The following PREP variants were observed in gnomAD, a reference collection of about 807,000 sequenced individuals.
The protein encoded by PREP is prolyl endopeptidase, also known as dJ355L5.1 (prolyl endopeptidase).
Under a neutral mutation model 87.6 loss-of-function variants are expected in PREP, and 29 were observed. That is an observed-to-expected ratio of 0.33 (90% confidence interval 0.25 to 0.45). PREP has a LOEUF of 0.45. Among genes scored for constraint, PREP ranks in the 20% least tolerant of loss-of-function variants. The pLI is 1.00. For missense variants in PREP, 695 were observed against 886.5 expected, an observed-to-expected ratio of 0.78 and a Z score of 2.74; for synonymous variants, 337 against 328.6, an observed-to-expected ratio of 1.03 and a Z score of -0.28.
At chr6:105,398,005 G>T in intron 1 of PREP, 78 bp from the exon 2 acceptor site, 1 of 1,152,322 alleles carries the variant, frequency 8.7e-7, no homozygotes, top group Non-Finnish European at 1.3e-6. Context: ...ATGTAATGGA[G>T]AAATAGGAAA....
chr6:105,306,683 C>T (rs1271706425), intron 10 of PREP, among the ~76,000 whole-genome samples: 6 of 152,156 alleles, frequency 3.9e-5, no homozygotes. Flanking sequence ...GACTGTGGTC[C>T]TCTTCTCCCA....
At chr6:105,321,404 A>T (rs1190064) in intron 10 of PREP, among the ~76,000 whole-genome samples, 145,205 of 152,300 alleles carry the variant, frequency 0.95, 69,297 homozygotes, top group East Asian at 1. Flanking sequence ...ATTCTGGGAG[A>T]GTTCCAGTGC....
At chr6:105,303,429 TCAAC>T (rs1770587071) in intron 10 of PREP, among the ~76,000 whole-genome samples, 1 of 152,068 alleles carries the variant, frequency 6.6e-6, no homozygotes, top group Non-Finnish European at 1.5e-5. Context: ...CTTCCCAACT[TCAAC>T]CAGCCTCTCT....
At chr6:105,384,239 C>T (rs1772925351) in intron 2 of PREP, among the ~76,000 whole-genome samples, 1 of 152,088 alleles carries the variant, frequency 6.6e-6, no homozygotes, top group Non-Finnish European at 1.5e-5. Context: ...CATGACTCAC[C>T]CATCAGGGAG....
At chr6:105,376,023 C>T (rs1438614495) in intron 4 of PREP, 102 bp downstream of exon 4, 5 of 1,408,612 alleles carry the variant, frequency 3.5e-6, no homozygotes, top group Non-Finnish European at 3.8e-6. Context: ...ACAATATGGT[C>T]CACACCCTGC....
intron 2 of PREP, among the ~76,000 whole-genome samples, chr6:105,380,395 T>C (rs903317080): frequency 2.6e-5 from 4 of 152,180 alleles, no homozygotes; most frequent in African/African-American, 9.7e-5. Flanking sequence ...AGATATGATG[T>C]TTCGATCTCT....
intron 2 of PREP, among the ~76,000 whole-genome samples, chr6:105,384,378 A>G (rs2114721961): frequency 6.6e-6 from 1 of 152,330 alleles, no homozygotes; most frequent in South Asian, 2.1e-4. Context: ...GATGAGGAAC[A>G]TCTGGCTGGA....
At chr6:105,288,639 G>A in intron 11 of PREP, 119 bp downstream of exon 11, 1 of 1,319,098 alleles carries the variant, frequency 7.6e-7, no homozygotes, top group Non-Finnish European at 1.0e-6. Flanking sequence ...TTATAGGTGT[G>A]AACCCCCACG....
At chr6:105,401,502 T>C (rs1773429267) in intron 1 of PREP, among the ~76,000 whole-genome samples, 1 of 152,246 alleles carries the variant, frequency 6.6e-6, no homozygotes, top group African/African-American at 2.4e-5. Context: ...AAAGAGCTGC[T>C]AAAAGTCACC....
chr6:105,374,632 TTATATA>T (rs61452752), intron 4 of PREP, among the ~76,000 whole-genome samples: 1 of 91,852 alleles, frequency 1.1e-5, no homozygotes, highest in Non-Finnish European at 2.5e-5. Context: ...TTTGAATTGT[TTATATA>T]TATATATATA....
At chr6:105,366,893 C>G (rs1052585440) in intron 6 of PREP, among the ~76,000 whole-genome samples, 7 of 151,892 alleles carry the variant, frequency 4.6e-5, no homozygotes, top group Non-Finnish European at 1.0e-4. Context: ...TACAAAGGGA[C>G]AGAAAGTAGA....
At chr6:105,346,756 T>C (rs1771808936) in intron 7 of PREP, among the ~76,000 whole-genome samples, 1 of 152,260 alleles carries the variant, frequency 6.6e-6, no homozygotes, top group Non-Finnish European at 1.5e-5. Context: ...CGGTTCTTTT[T>C]GCCTAACAAT....
intron 10 of PREP, among the ~76,000 whole-genome samples, chr6:105,307,386 T>C (rs541025694): frequency 6.6e-6 from 1 of 152,246 alleles, no homozygotes; most frequent in South Asian, 2.1e-4. Context: ...CTTCTCCTTC[T>C]CCAGGTTCCC....
chr6:105,349,924 C>CAAAAAAAAAAAAAAAAA (rs1456684844), intron 7 of PREP, among the ~76,000 whole-genome samples: 13 of 92,804 alleles, frequency 1.4e-4, no homozygotes, highest in African/African-American at 5.4e-4. Flanking sequence ...AAAAAAAAAG[C>CAAAAAAAAAAAAAAAAA]AAAAAAGATC....
chr6:105,301,910 G>C (rs1038852585), intron 10 of PREP, among the ~76,000 whole-genome samples: 1 of 152,148 alleles, frequency 6.6e-6, no homozygotes, highest in South Asian at 2.1e-4. Context: ...AAGCGAAATA[G>C]AAAGTGGAAG....
chr6:105,338,437 C>T (rs942939335), intron 7 of PREP, among the ~76,000 whole-genome samples: 4 of 152,148 alleles, frequency 2.6e-5, no homozygotes, highest in African/African-American at 9.7e-5. Context: ...CCAAGACAGC[C>T]GAATAGGAAC....
At chr6:105,311,666 C>T (rs1770763869) in intron 10 of PREP, among the ~76,000 whole-genome samples, 1 of 152,220 alleles carries the variant, frequency 6.6e-6, no homozygotes, top group South Asian at 2.1e-4. Flanking sequence ...AACATCTCTT[C>T]ACGTCGCTGC....
At chr6:105,401,604 A>G (rs1316171912) in intron 1 of PREP, among the ~76,000 whole-genome samples, 1 of 140,274 alleles carries the variant, frequency 7.1e-6, no homozygotes, top group Non-Finnish European at 1.5e-5. Flanking sequence ...CTTTACTCCC[A>G]TATTCAAAGG....
At chr6:105,325,233 A>AC (rs1771122910) in intron 9 of PREP, among the ~76,000 whole-genome samples, 1 of 152,124 alleles carries the variant, frequency 6.6e-6, no homozygotes, top group Non-Finnish European at 1.5e-5. Flanking sequence ...AACAACAACA[A>AC]AAAGACAACG....
Sources: gnomAD v4.1 joint callset for allele counts (sites outside exome capture counted in the v4.1 genomes callset) on GRCh38, gnomAD v4.1.1 for gene constraint, MANE v1.5 for transcripts, NCBI Gene and HGNC (gene_info 2026-07-23, HGNC 2026-07-21) for gene names.